AFAP1L2: variants seen among roughly 807,000 people sequenced by gnomAD.
AFAP1L2 encodes the protein actin filament-associated protein 1-like 2.
In AFAP1L2, 46 loss-of-function variants were observed where a neutral mutation model predicts 99.3. That is an observed-to-expected ratio of 0.46 (90% CI 0.37 to 0.59). The LOEUF (loss-of-function observed/expected upper bound fraction) is 0.59. AFAP1L2 is among the 20% of genes least tolerant of loss of function. The probability of loss-of-function intolerance (pLI) is 0.00; values close to 1 mark genes in which losing one functional copy is unlikely to be tolerated. For missense variants in AFAP1L2, 959 were observed against 1,034.9 expected (o/e 0.93, Z 1.01); for synonymous variants, 397 against 419.1 (o/e 0.95, Z 0.64).
Position 114,310,535 on chromosome 10 carries a change from A to G in AFAP1L2, c.793-92T>C. 5 of 1,136,428 alleles carry G rather than the reference A, an allele frequency of 4.4e-6. No homozygotes were observed. In the South Asian group the frequency reaches 6.0e-5, roughly 14 times the overall value. The allele number at this position is 1,136,428 out of a possible 1,614,324, so 70.4% of individuals were successfully genotyped here. A position where few individuals can be genotyped will look rare whatever the true frequency, so the allele number is the denominator to read the frequency against. On this transcript the variant is annotated intron_variant, in intron 7 of 18. Coordinates refer to ENST00000304129, the MANE Select transcript of AFAP1L2 (RefSeq NM_001001936.3). The stretch of plus-strand genomic sequence containing the variant: ...AGCCAGGGCCCCTGCAGGTCAGGGG[A>G]GAGTGGGTGGAGGTGAGAGAGAAGA...
At chr10:114,301,244 C>T in intron 13 of AFAP1L2, 110 bp downstream of exon 13, 1 of 874,316 alleles carries the variant, frequency 1.1e-6, no homozygotes, top group Non-Finnish European at 1.8e-6. Flanking sequence ...TGACTCAGAA[C>T]CCACTCATCT....
At chr10:114,313,044 G>C (rs1298342661) in intron 7 of AFAP1L2, among the ~76,000 whole-genome samples, 2 of 152,032 alleles carry the variant, frequency 1.3e-5, no homozygotes, top group African/African-American at 4.8e-5. Flanking sequence ...TGTTTAGCTG[G>C]GTGGCAGGTG....
At chr10:114,362,812 ATC>A (rs1230614585) in intron 1 of AFAP1L2, 1 of 536,502 alleles carries the variant, frequency 1.9e-6, no homozygotes, top group African/African-American at 2.1e-5. Flanking sequence ...TTAGAAAAAA[ATC>A]TGATTTTCCA....
chr10:114,375,489 C>T (rs562875770), intron 1 of AFAP1L2, among the ~76,000 whole-genome samples: 5 of 152,288 alleles, frequency 3.3e-5, no homozygotes, highest in African/African-American at 9.6e-5. Context: ...ATACTTTATT[C>T]CAATGCTTTG....
chr10:114,289,462 G>A, the AFAP1L2 span: 1 of 1,614,202 alleles, frequency 6.2e-7, no homozygotes, highest in South Asian at 1.1e-5. Flanking sequence ...GTACCACCAG[G>A]ACGTGCTCAT....
intron 2 of AFAP1L2, among the ~76,000 whole-genome samples, chr10:114,335,660 A>C (rs529060736): frequency 1.5e-3 from 230 of 152,272 alleles, no homozygotes; most frequent in African/African-American, 5.4e-3. Flanking sequence ...TAGGTTAAAC[A>C]TTAGGATTCA....
rs563043267 is a variant in AFAP1L2, at chr10:114,378,101, C to T, written c.16+26339G>A. On this transcript the variant is annotated intron_variant, in intron 1 of 18. Transcript: ENST00000304129. ...TACCAATCACCAGGTGTTCTGCCAC[C>T]TGCAAGTGGATTGCTCTGCTTGCAA... is the stretch of plus-strand genomic sequence containing the variant. 2.0e-4 allele frequency among the ~76,000 whole-genome samples: 31 copies of T among 152,368 alleles called. No homozygotes were observed. In the South Asian group the frequency reaches 6.2e-3, roughly 31 times the overall value.
At chr10:114,392,585 T>C (rs2057275707) in intron 1 of AFAP1L2, among the ~76,000 whole-genome samples, 1 of 152,178 alleles carries the variant, frequency 6.6e-6, no homozygotes, top group African/African-American at 2.4e-5. Flanking sequence ...ATAAAGTCAT[T>C]AGTGACACCA....
intron 1 of AFAP1L2, among the ~76,000 whole-genome samples, chr10:114,343,793 G>A (rs780474650): frequency 6.6e-6 from 1 of 152,122 alleles, no homozygotes; most frequent in Non-Finnish European, 1.5e-5. Flanking sequence ...GAGCTTCTCT[G>A]CTGGAGCTGG....
downstream of AFAP1L2, among the ~76,000 whole-genome samples, chr10:114,294,290 T>G (rs2039867274): frequency 6.6e-6 from 1 of 152,236 alleles, no homozygotes; most frequent in Admixed American, 6.5e-5. Context: ...AACCTTATAA[T>G]GGAAAATACA....
intron 1 of AFAP1L2, among the ~76,000 whole-genome samples, chr10:114,365,482 T>G (rs2053083666): frequency 6.6e-6 from 1 of 152,192 alleles, no homozygotes; most frequent in South Asian, 2.1e-4. Context: ...TCATAGAGAA[T>G]TCCTAGAAAC....
At chr10:114,308,007 A>ATTGG in intron 9 of AFAP1L2, 98 bp from the exon 10 acceptor site, 2 of 986,790 alleles carry the variant, frequency 2.0e-6, no homozygotes, top group Non-Finnish European at 3.2e-6. Flanking sequence ...CACTCCATCC[A>ATTGG]CCCATCCCTC....
intron 1 of AFAP1L2, among the ~76,000 whole-genome samples, chr10:114,400,211 A>G (rs1420067231): frequency 6.6e-6 from 1 of 152,228 alleles, no homozygotes; most frequent in Non-Finnish European, 1.5e-5. Context: ...CAGCTTCCTC[A>G]GCTTTGAAGC....
intron 1 of AFAP1L2, among the ~76,000 whole-genome samples, chr10:114,386,299 G>A (rs901423651): frequency 6.6e-6 from 1 of 152,170 alleles, no homozygotes; most frequent in African/African-American, 2.4e-5. Context: ...TACTCAAGAA[G>A]TCGAGGTGGG....
At chr10:114,311,941 GC>G (rs1187444987) in intron 7 of AFAP1L2, among the ~76,000 whole-genome samples, 1 of 152,212 alleles carries the variant, frequency 6.6e-6, no homozygotes, top group African/African-American at 2.4e-5. Context: ...AGGTGGACCA[GC>G]CCCCACTGCC....
chr10:114,314,154 T>C, intron 6 of AFAP1L2, 104 bp from the exon 7 acceptor site: 1 of 1,180,394 alleles, frequency 8.5e-7, no homozygotes, highest in Non-Finnish European at 1.2e-6. Context: ...ACCAAGAGCC[T>C]GACTTAACCC....
intron 4 of AFAP1L2, among the ~76,000 whole-genome samples, chr10:114,327,145 A>T (rs1352297333): frequency 2.2e-5 from 1 of 46,452 alleles, no homozygotes; most frequent in South Asian, 8.1e-4. Flanking sequence ...TTTTATATAT[A>T]TTTATATATA....
At chr10:114,296,310 G>T in intron 18 of AFAP1L2, 1 of 536,142 alleles carries the variant, frequency 1.9e-6, no homozygotes, top group East Asian at 3.1e-5. Flanking sequence ...GGGAGTGGAG[G>T]TTCAGATGCT....
chr10:114,366,876 G>A (rs1328060052), intron 1 of AFAP1L2, among the ~76,000 whole-genome samples: 1 of 152,200 alleles, frequency 6.6e-6, no homozygotes, highest in Non-Finnish European at 1.5e-5. Flanking sequence ...GCTGAGGCAG[G>A]AGAATCGCTT....
Sources: gnomAD v4.1 joint callset for allele counts (sites outside exome capture counted in the v4.1 genomes callset) on GRCh38, gnomAD v4.1.1 for gene constraint, MANE v1.5 for transcripts, NCBI Gene and HGNC (gene_info 2026-07-23, HGNC 2026-07-21) for gene names.